Variants in SLC17A8 observed in about 807,000 individuals in gnomAD.
SLC17A8 encodes the protein solute carrier family 17 member 8.
In SLC17A8, 31 loss-of-function variants were observed where a neutral mutation model predicts 58.0. The observed-to-expected ratio is 0.53, with a 90% CI of 0.40 to 0.72. The LOEUF (loss-of-function observed/expected upper bound fraction) is 0.72. Among genes scored for constraint, SLC17A8 ranks in the 30% least tolerant of loss-of-function variants. The pLI is 0.00. For missense variants in SLC17A8, 655 were observed against 727.8 expected (o/e 0.90, Z 1.15); for synonymous variants, 228 against 249.0 (o/e 0.92, Z 0.79).
chr12:100,364,829 G>A (rs751422633), intron 1 of SLC17A8, among the ~76,000 whole-genome samples: 1 of 152,176 alleles, frequency 6.6e-6, no homozygotes, highest in African/African-American at 2.4e-5. Context: ...GTGGCCAGGA[G>A]ACTGCTCAAA....
At chr12:100,396,655 C>T (rs1423598076) in intron 5 of SLC17A8, among the ~76,000 whole-genome samples, 1 of 151,326 alleles carries the variant, frequency 6.6e-6, no homozygotes, top group Non-Finnish European at 1.5e-5. Context: ...GAGGCTGAGG[C>T]AGGAGGACTG....
At chr12:100,392,893 G>A (rs1952726561) in intron 3 of SLC17A8, among the ~76,000 whole-genome samples, 1 of 152,130 alleles carries the variant, frequency 6.6e-6, no homozygotes, top group Non-Finnish European at 1.5e-5. Context: ...AAGATCAGTC[G>A]GTGGGGAACC....
In SLC17A8 at chr12:100,396,326, C is replaced by T. The variant is rs1349847027; in HGVS notation, c.589-4C>T. Reference sequence around the variant, plus strand: ...AACTAATCTATTTTCAACTCTTCTGCCAGGGTGTGACCTACCCAGCCTGCC... The same window carrying T: ...AACTAATCTATTTTCAACTCTTCTGTCAGGGTGTGACCTACCCAGCCTGCC... On this transcript the variant is annotated splice_region_variant and splice_polypyrimidine_tract_variant and intron_variant, in intron 4 of 11. Coordinates refer to ENST00000323346, the MANE Select transcript of SLC17A8 (RefSeq NM_139319.3). The T allele has an allele frequency of 1.9e-6, 3 of 1,612,492 alleles. No homozygotes were observed. The highest frequency in any genetic ancestry group is 2.7e-5 in the African/African-American group (2 of 74,876).
rs903462361 is a variant in SLC17A8, at chr12:100,357,353, G to C, written c.-39G>C. On this transcript the variant is annotated 5_prime_UTR_variant, in exon 1 of 12. Transcript: ENST00000323346. ...AATGAGGAAGGATGACAGTTTTTGA[G>C]ACTGACTGTTAACGGCTCAGAGGTG... 11 of 1,143,960 alleles carry C rather than the reference G, an allele frequency of 9.6e-6. No individual in the cohort carries two copies. The highest frequency in any genetic ancestry group is 1.5e-5 in the African/African-American group (1 of 65,622). 70.9% of individuals were successfully genotyped at this position (1,143,960 alleles called of 1,614,324 possible).
intron 4 of SLC17A8, among the ~76,000 whole-genome samples, chr12:100,394,326 C>CAA (rs1369629991): frequency 1.3e-5 from 2 of 150,192 alleles, no homozygotes; most frequent in Non-Finnish European, 3.0e-5. Context: ...AAACAAAAAA[C>CAA]AAAAGATACC....
rs61103377 is a variant in SLC17A8 at position 100,370,612 on chromosome 12, TAAAAAAAAAA to T, written c.102-10076_102-10067del. Among the ~76,000 whole-genome samples, 374 of 127,206 alleles carry T rather than the reference TAAAAAAAAAA, an allele frequency of 2.9e-3. 3 individuals are homozygous for T. The highest frequency in any genetic ancestry group is 9.8e-3 in the African/African-American group (353 of 36,048). The allele number at this position is 127,206 out of a possible 152,430, so 83.5% of individuals were successfully genotyped here. On this transcript the variant is annotated intron_variant, in intron 1 of 11. Coordinates refer to ENST00000323346, the MANE Select transcript of SLC17A8 (RefSeq NM_139319.3). ...GTGCCCAGCCAATTAATCTAAATTC[TAAAAAAAAAA>T]AAAAAAAAAAAAGCAAAGACCCATA...
intron 9 of SLC17A8, 34 bp from the exon 10 acceptor site, chr12:100,412,736 T>A: frequency 7.1e-7 from 1 of 1,409,206 alleles, no homozygotes; most frequent in Non-Finnish European, 1.0e-6. Flanking sequence ...GATATGAAAA[T>A]GACATTTTTT....
chr12:100,407,725 C>T (rs1952836863), intron 9 of SLC17A8, among the ~76,000 whole-genome samples: 1 of 152,080 alleles, frequency 6.6e-6, no homozygotes, highest in Non-Finnish European at 1.5e-5. Flanking sequence ...CCTGCCTCAG[C>T]CTCCCGAGTA....
chr12:100,417,776 A>G (rs989646018), intron 10 of SLC17A8, among the ~76,000 whole-genome samples: 4 of 152,238 alleles, frequency 2.6e-5, no homozygotes, highest in African/African-American at 9.6e-5. Context: ...TTCAGAACCT[A>G]CAAGGTAGAG....
In SLC17A8 at chr12:100,357,459, A is replaced by G. The variant is rs1213050821; in HGVS notation, c.68A>G (p.Asn23Ser). 6.2e-7 allele frequency: 1 copy of G among 1,613,680 alleles called. No individual in the cohort carries two copies. The highest frequency in any genetic ancestry group is 8.5e-7 in the Non-Finnish European group (1 of 1,179,700). The change falls in exon 1 of 12, where the codon AAC becomes AGC. Residue 23 changes from asparagine to serine, a missense_variant. Asn to Ser is a conservative substitution (Grantham distance 46, BLOSUM62 1). Coordinates refer to ENST00000323346, the MANE Select transcript of SLC17A8 (RefSeq NM_139319.3). Reference sequence around the variant, plus strand: ...AAACCTGGGAAGGAAGGAGTGAAGAACGCCGTGGGAGATTCTTTGGGAATT... The same window carrying G: ...AAACCTGGGAAGGAAGGAGTGAAGAGCGCCGTGGGAGATTCTTTGGGAATT... The part of the protein sequence containing the change: ...ILKPGKEGVK[N>S]AVGDSLGILQ...
chr12:100,395,062 G>A (rs1392426368), intron 4 of SLC17A8, among the ~76,000 whole-genome samples: 1 of 151,928 alleles, frequency 6.6e-6, no homozygotes, highest in Non-Finnish European at 1.5e-5. Context: ...TAACAGCCCT[G>A]AGTCTCAGGT....
intron 9 of SLC17A8, 111 bp downstream of exon 9, chr12:100,404,281 A>C (rs994343143): frequency 1.1e-5 from 15 of 1,406,244 alleles, no homozygotes; most frequent in Non-Finnish European, 1.3e-5. Context: ...GATCTTAAAG[A>C]CCTCTAAGTC....
chr12:100,413,303 A>C (rs554358020), intron 10 of SLC17A8, among the ~76,000 whole-genome samples: 1 of 152,294 alleles, frequency 6.6e-6, no homozygotes, highest in South Asian at 2.1e-4. Context: ...AGTTTTTTTA[A>C]GAGTGAAAAC....
chr12:100,386,557 A>G (rs1952675901), intron 2 of SLC17A8, among the ~76,000 whole-genome samples: 1 of 152,118 alleles, frequency 6.6e-6, no homozygotes, highest in South Asian at 2.1e-4. Flanking sequence ...GGAATCATGC[A>G]GTATTTGTCT....
intron 1 of SLC17A8, among the ~76,000 whole-genome samples, chr12:100,380,206 CAA>C (rs10691046): frequency 2.5e-5 from 3 of 120,068 alleles, no homozygotes. Context: ...AACTCCGTCT[CAA>C]AAAAAAAAAA....
Position 100,418,167 on chromosome 12 carries a change from C to A in SLC17A8, c.1425+11C>A, listed in dbSNP as rs761161529. The A allele has an allele frequency of 2.2e-5, 36 of 1,613,986 alleles. No homozygotes were observed. The highest frequency in any genetic ancestry group is 1.0e-4 in the Admixed American group (6 of 59,998). On this transcript the variant is annotated intron_variant, in intron 11 of 11. Coordinates refer to ENST00000323346, the MANE Select transcript of SLC17A8 (RefSeq NM_139319.3). ...ATGACCAGGCACAAGGTAAAGGTCT[C>A]CTTTGTGGCTATGGGTTACAATATC...
intron 1 of SLC17A8, among the ~76,000 whole-genome samples, chr12:100,374,689 T>C (rs573111109): frequency 6.6e-6 from 1 of 152,214 alleles, no homozygotes; most frequent in Non-Finnish European, 1.5e-5. Context: ...TCTGTTCATT[T>C]TGATGCTCCC....
At chr12:100,372,179 C>T (rs114961668) in intron 1 of SLC17A8, among the ~76,000 whole-genome samples, 5 of 152,084 alleles carry the variant, frequency 3.3e-5, no homozygotes, top group Non-Finnish European at 5.9e-5. Context: ...GCTTAACAAA[C>T]AGAAATTTAT....
At chr12:100,361,354 G>T (rs1952483055) in intron 1 of SLC17A8, among the ~76,000 whole-genome samples, 1 of 152,192 alleles carries the variant, frequency 6.6e-6, no homozygotes, top group Admixed American at 6.5e-5. Context: ...GAACTCCCCA[G>T]ATTCACTCCT....
Sources: gnomAD v4.1 joint callset for allele counts (sites outside exome capture counted in the v4.1 genomes callset) on GRCh38, gnomAD v4.1.1 for gene constraint, MANE v1.5 for transcripts, NCBI Gene and HGNC (gene_info 2026-07-23, HGNC 2026-07-21) for gene names.